Variants in FOXP2 observed in about 807,000 individuals in gnomAD.
FOXP2 encodes forkhead box protein P2.
In FOXP2, 12 loss-of-function variants were observed where a neutral mutation model predicts 115.8. The ratio of observed to expected loss-of-function variants is 0.10; its 90% confidence interval spans 0.07 to 0.17. FOXP2 has a LOEUF of 0.17. FOXP2 is among the 10% of genes least tolerant of loss of function. The probability of loss-of-function intolerance (pLI) is 1.00; values close to 1 mark genes in which losing one functional copy is unlikely to be tolerated. For missense variants in FOXP2, 629 were observed against 843.5 expected, an observed-to-expected ratio of 0.75 and a Z score of 3.15; for synonymous variants, 328 against 297.7, an observed-to-expected ratio of 1.10 and a Z score of -1.05.
chr7:114,174,515 A>G (rs1157268759), intron 1 of FOXP2, among the ~76,000 whole-genome samples: 2 of 152,076 alleles, frequency 1.3e-5, no homozygotes, highest in African/African-American at 2.4e-5. Flanking sequence ...GCATTGGAGA[A>G]ATAGCTTTTT....
At chr7:114,322,537 C>T (rs1797451273) in intron 2 of FOXP2, among the ~76,000 whole-genome samples, 4 of 151,998 alleles carry the variant, frequency 2.6e-5, no homozygotes, top group Admixed American at 1.3e-4. Context: ...TACAGATGCA[C>T]AGCATTAAAG....
chr7:114,264,102 A>T (rs1795833295), intron 1 of FOXP2, among the ~76,000 whole-genome samples: 1 of 152,026 alleles, frequency 6.6e-6, no homozygotes, highest in Non-Finnish European at 1.5e-5. Context: ...GGTGGCTGTG[A>T]GGTCAAAACT....
intron 2 of FOXP2, among the ~76,000 whole-genome samples, chr7:114,479,338 T>A (rs1455756581): frequency 6.6e-6 from 1 of 151,510 alleles, no homozygotes; most frequent in Non-Finnish European, 1.5e-5. Flanking sequence ...ATAGAGGGAA[T>A]CTAGTTCATC....
intron 1 of FOXP2, among the ~76,000 whole-genome samples, chr7:114,416,665 T>G (rs1793360380): frequency 6.6e-6 from 1 of 152,034 alleles, no homozygotes; most frequent in Non-Finnish European, 1.5e-5. Flanking sequence ...TCTGATTATC[T>G]ATAGTTGATT....
chr7:114,481,812 A>ATCTATATATCTATC (rs1562952222), intron 2 of FOXP2, among the ~76,000 whole-genome samples: 14 of 125,132 alleles, frequency 1.1e-4, no homozygotes, highest in African/African-American at 4.3e-4. Context: ...ATCTATCTAT[A>ATCTATATATCTATC]TATCTATCTA....
At chr7:114,573,505 A>G (rs888232835) in intron 3 of FOXP2, among the ~76,000 whole-genome samples, 1 of 151,794 alleles carries the variant, frequency 6.6e-6, no homozygotes, top group African/African-American at 2.4e-5. Context: ...AAAGCCTGCC[A>G]TATGTTTTCA....
intron 2 of FOXP2, among the ~76,000 whole-genome samples, chr7:114,347,553 T>C (rs1242307857): frequency 6.6e-6 from 1 of 152,010 alleles, no homozygotes; most frequent in African/African-American, 2.4e-5. Flanking sequence ...TATAAGATTG[T>C]ATAAAAAGGA....
chr7:114,188,391 G>A (rs1793667469), intron 1 of FOXP2, among the ~76,000 whole-genome samples: 1 of 152,118 alleles, frequency 6.6e-6, no homozygotes, highest in South Asian at 2.1e-4. Context: ...CAGGGCATGT[G>A]CTCTTGTCAC....
intron 1 of FOXP2, among the ~76,000 whole-genome samples, chr7:114,139,217 G>A (rs1247282533): frequency 6.6e-6 from 1 of 151,962 alleles, no homozygotes; most frequent in Non-Finnish European, 1.5e-5. Flanking sequence ...TCATGTTAGA[G>A]CGGAAAAAAA....
At chr7:114,678,705 A>G (rs566706989) in intron 16 of FOXP2, among the ~76,000 whole-genome samples, 72 of 152,092 alleles carry the variant, frequency 4.7e-4, no homozygotes, top group African/African-American at 1.7e-3. Flanking sequence ...CCACACATCA[A>G]TGTTATTGTG....
intron 14 of FOXP2, among the ~76,000 whole-genome samples, chr7:114,663,118 ACAT>A (rs1806964655): frequency 6.6e-6 from 1 of 152,116 alleles, no homozygotes; most frequent in Non-Finnish European, 1.5e-5. Flanking sequence ...TTGTATATTT[ACAT>A]TTTAAAAATT....
chr7:114,098,615 A>C (rs1050405152), intron 1 of FOXP2, among the ~76,000 whole-genome samples: 4 of 152,170 alleles, frequency 2.6e-5, no homozygotes, highest in Non-Finnish European at 5.9e-5. Context: ...GAAATTATAA[A>C]ACTCCTAGAA....
intron 2 of FOXP2, among the ~76,000 whole-genome samples, chr7:114,348,887 G>A (rs143201657): frequency 3.7e-4 from 56 of 152,208 alleles, no homozygotes; most frequent in African/African-American, 1.3e-3. Flanking sequence ...ATCAGCTTAT[G>A]AGTATTCAAC....
chr7:114,627,747 C>T (rs889970734), intron 3 of FOXP2, among the ~76,000 whole-genome samples: 4 of 152,096 alleles, frequency 2.6e-5, no homozygotes, highest in Non-Finnish European at 4.4e-5. Flanking sequence ...AAGTAAATTA[C>T]TTTTATTATT....
intron 13 of FOXP2, chr7:114,661,826 G>A (rs1257942960): frequency 8.6e-6 from 4 of 466,630 alleles, no homozygotes; most frequent in Non-Finnish European, 1.6e-5. Flanking sequence ...TGAAAGGAAG[G>A]TTTTGACACA....
intron 1 of FOXP2, among the ~76,000 whole-genome samples, chr7:114,098,816 A>G (rs1294208271): frequency 1.3e-5 from 2 of 152,196 alleles, no homozygotes; most frequent in Admixed American, 1.3e-4. Flanking sequence ...TCTCTGGTAA[A>G]AGGTTAATAT....
chr7:114,364,068 A>G, intron 2 of FOXP2, among the ~76,000 whole-genome samples: 1 of 64,216 alleles, frequency 1.6e-5, no homozygotes, highest in East Asian at 8.7e-4. Flanking sequence ...TAAGTACTTA[A>G]TTTCTTTTTG....
intron 2 of FOXP2, among the ~76,000 whole-genome samples, chr7:114,497,005 T>C (rs1008000101): frequency 2.0e-5 from 3 of 152,152 alleles, no homozygotes; most frequent in African/African-American, 4.8e-5. Flanking sequence ...TGTATATAGG[T>C]AGTAATACTT....
chr7:114,103,793 A>C (rs189714375), intron 1 of FOXP2, among the ~76,000 whole-genome samples: 23 of 152,084 alleles, frequency 1.5e-4, no homozygotes, highest in African/African-American at 5.3e-4. Flanking sequence ...TCCCTTGGGA[A>C]TTGTTATCTA....
Sources: allele counts gnomAD v4.1 joint callset (sites outside exome capture counted in the v4.1 genomes callset), GRCh38; gene constraint gnomAD v4.1.1; transcripts MANE v1.5; gene names NCBI Gene and HGNC (gene_info 2026-07-23, HGNC 2026-07-21).